CDH7: variants seen among roughly 807,000 people sequenced by gnomAD.
The protein encoded by CDH7 is cadherin 7, also known as cadherin-7.
Under a neutral mutation model 71.8 loss-of-function variants are expected in CDH7, and 25 were observed. That is an observed-to-expected ratio of 0.35 (90% CI 0.25 to 0.49). CDH7 has a LOEUF of 0.49. Among genes scored for constraint, CDH7 ranks in the 20% least tolerant of loss-of-function variants. The pLI, the probability that CDH7 is intolerant of heterozygous loss-of-function variation, is 0.99. For synonymous variants in CDH7, 381 were observed against 363.8 expected, an observed-to-expected ratio of 1.05 and a Z score of -0.54; for missense variants, 862 against 974.6, an observed-to-expected ratio of 0.88 and a Z score of 1.54.
intron 1 of CDH7, among the ~76,000 whole-genome samples, chr18:65,762,122 C>G (rs993928293): frequency 2.0e-5 from 3 of 152,148 alleles, no homozygotes; most frequent in African/African-American, 4.8e-5. Flanking sequence ...TTCTGTGACT[C>G]AGAATCAATC....
chr18:65,805,600 T>C (rs982808779), intron 2 of CDH7, among the ~76,000 whole-genome samples: 3 of 152,222 alleles, frequency 2.0e-5, no homozygotes, highest in African/African-American at 4.8e-5. Context: ...TCAGCAAAGA[T>C]GTACTTTCCA....
chr18:65,781,915 T>C (rs1910256926), intron 2 of CDH7, among the ~76,000 whole-genome samples: 1 of 106,812 alleles, frequency 9.4e-6, no homozygotes, highest in Non-Finnish European at 1.8e-5. Flanking sequence ...TTTCTCTCTT[T>C]CTCTCTTTCT....
intron 6 of CDH7, among the ~76,000 whole-genome samples, chr18:65,835,550 T>G (rs575059345): frequency 6.6e-6 from 1 of 152,296 alleles, no homozygotes; most frequent in East Asian, 1.9e-4. Context: ...AAACATATGC[T>G]AAGTTGTCTT....
At chr18:65,781,796 T>TTTCTA (rs1568181406) in intron 2 of CDH7, among the ~76,000 whole-genome samples, 12 of 70,452 alleles carry the variant, frequency 1.7e-4, no homozygotes, top group African/African-American at 1.1e-3. Flanking sequence ...CCTTCCTTCC[T>TTTCTA]TCCTTCCTTC....
In CDH7 at chr18:65,854,960, C is replaced by T. The variant is rs547506406; in HGVS notation, c.1236-2856C>T. ...ACACACATATATATACACACACACA[C>T]ACACATAGATACACACATAACCCTG... is the stretch of plus-strand genomic sequence containing the variant. On this transcript the variant is annotated intron_variant, in intron 7 of 11. Transcript: ENST00000397968. Among the ~76,000 whole-genome samples the T allele has an allele frequency of 8.1e-4, 113 of 139,994 alleles. 1 individual carries two copies. The highest frequency in any genetic ancestry group is 2.6e-3 in the African/African-American group (107 of 40,464). The allele number at this position is 139,994 out of a possible 152,430, so 91.8% of individuals were successfully genotyped here.
chr18:65,783,432 A>T (rs1204238110), intron 2 of CDH7, among the ~76,000 whole-genome samples: 1 of 152,254 alleles, frequency 6.6e-6, no homozygotes, highest in Non-Finnish European at 1.5e-5. Flanking sequence ...CATATGCAAC[A>T]TAGGAGGTTG....
chr18:65,784,620 G>A (rs12956442), intron 2 of CDH7, among the ~76,000 whole-genome samples: 51,043 of 151,904 alleles, frequency 0.34, 8,851 homozygotes, highest in Middle Eastern at 0.46. Flanking sequence ...TATGTCTACT[G>A]TAGAAATACT....
At chr18:65,756,889 A>G (rs1166410302) in intron 1 of CDH7, among the ~76,000 whole-genome samples, 1 of 152,242 alleles carries the variant, frequency 6.6e-6, no homozygotes, top group Non-Finnish European at 1.5e-5. Context: ...GCAGTTAGCC[A>G]TGTTTTAAAA....
chr18:65,776,424 GAGAA>G (rs879750678), intron 2 of CDH7, among the ~76,000 whole-genome samples: 4 of 151,488 alleles, frequency 2.6e-5, no homozygotes, highest in Admixed American at 1.3e-4. Flanking sequence ...AGGGAAGAGA[GAGAA>G]AGAGAGAGGG....
chr18:65,873,668 A>G (rs1913990471), intron 11 of CDH7, among the ~76,000 whole-genome samples: 1 of 152,222 alleles, frequency 6.6e-6, no homozygotes. Context: ...GCTAGTGGCA[A>G]CTATGGTAGA....
chr18:65,864,145 A>T (rs910714262), intron 11 of CDH7: 7 of 152,234 alleles, frequency 4.6e-5, no homozygotes, highest in African/African-American at 1.7e-4. Flanking sequence ...AGAAACTTTC[A>T]GAATTTCATT....
chr18:65,750,792 C>A (rs1432571942), upstream of CDH7: 1 of 152,442 alleles, frequency 6.6e-6, no homozygotes, highest in Non-Finnish European at 1.5e-5. Context: ...TCCTCTCCTG[C>A]GCGCCCTCTC....
At chr18:65,767,668 G>A (rs1333463120) in intron 2 of CDH7, among the ~76,000 whole-genome samples, 2 of 152,130 alleles carry the variant, frequency 1.3e-5, no homozygotes, top group African/African-American at 4.8e-5. Flanking sequence ...AATTTGTAAA[G>A]GCATTTGTTC....
chr18:65,767,544 T>G (rs1358579414), intron 2 of CDH7, among the ~76,000 whole-genome samples: 2 of 152,192 alleles, frequency 1.3e-5, no homozygotes, highest in African/African-American at 4.8e-5. Context: ...AAGTGTCCTC[T>G]GAAAATGTAG....
In CDH7 at chr18:65,815,410, T is replaced by G. The variant is rs1415769909; in HGVS notation, c.625+806T>G. 2.0e-5 allele frequency among the ~76,000 whole-genome samples: 3 copies of G among 152,168 alleles called. No homozygotes were observed. In the East Asian group the frequency reaches 5.8e-4, roughly 29 times the overall value. ...TTTGCCTTTATCATGGAGTTAGAAT[T>G]ATTCAAATATATACATTTATGATTA... On this transcript the variant is annotated intron_variant, in intron 4 of 11. Coordinates refer to ENST00000397968, the MANE Select transcript of CDH7 (RefSeq NM_004361.5).
intron 7 of CDH7, among the ~76,000 whole-genome samples, chr18:65,850,173 A>AATATATATATATAT (rs1555689070): frequency 4.6e-5 from 3 of 65,312 alleles, no homozygotes; most frequent in African/African-American, 1.3e-4. Flanking sequence ...CACTATATAT[A>AATATATATATATAT]ATATATATAT....
At chr18:65,811,899 AATTAT>A (rs1408753609) in intron 3 of CDH7, among the ~76,000 whole-genome samples, 1 of 151,550 alleles carries the variant, frequency 6.6e-6, no homozygotes, top group African/African-American at 2.4e-5. Flanking sequence ...AAGTTAAATA[AATTAT>A]ATTATTTAAG....
At chr18:65,827,295 G>T (rs1326331937) in intron 6 of CDH7, among the ~76,000 whole-genome samples, 1 of 151,698 alleles carries the variant, frequency 6.6e-6, no homozygotes, top group South Asian at 2.1e-4. Context: ...GAAAAATTAA[G>T]CACACACAAT....
chr18:65,790,118 T>C (rs1658343966), intron 2 of CDH7, among the ~76,000 whole-genome samples: 1 of 148,070 alleles, frequency 6.8e-6, no homozygotes, highest in South Asian at 2.1e-4. Context: ...TAGTCCCAGG[T>C]GCTGAGGCAG....
Sources: gnomAD v4.1 joint callset for allele counts (sites outside exome capture counted in the v4.1 genomes callset) on GRCh38, gnomAD v4.1.1 for gene constraint, MANE v1.5 for transcripts, NCBI Gene and HGNC (gene_info 2026-07-23, HGNC 2026-07-21) for gene names.